The following LRRC7 variants were observed in gnomAD, a reference collection of about 807,000 sequenced individuals.
The protein encoded by LRRC7 is leucine rich repeat containing 7.
Under a neutral mutation model 175.7 loss-of-function variants are expected in LRRC7, and 23 were observed. The ratio of observed to expected loss-of-function variants is 0.13; its 90% CI spans 0.09 to 0.19. The LOEUF is 0.19. Among genes scored for constraint, LRRC7 ranks in the 10% least tolerant of loss-of-function variants. LRRC7 has a pLI of 1.00. For missense variants in LRRC7, 1,354 were observed against 1,904.7 expected, an observed-to-expected ratio of 0.71 and a Z score of 5.38; for synonymous variants, 685 against 680.9, an observed-to-expected ratio of 1.01 and a Z score of -0.09.
At position 69,643,925 on chromosome 1, in the gene LRRC7, A is replaced by G. The variant is rs547279419; in HGVS notation, c.3-34456A>G. On this transcript the variant is annotated intron_variant, in intron 1 of 26. Transcript: ENST00000651989. ...CCTAAATTAAACAACGTATTTAAAA[A>G]TAACCCATGCATTGAAGAAGGAATC... Among the ~76,000 whole-genome samples, 5 of 152,298 alleles carry G rather than the reference A, an allele frequency of 3.3e-5. No homozygotes were observed. The East Asian group carries it at 9.7e-4, about 29-fold the overall frequency.
In LRRC7 at chr1:69,722,325, T is replaced by C. The variant is rs146795108; in HGVS notation, c.101-37866T>C. Among the ~76,000 whole-genome samples, 171 of 152,132 alleles carry C rather than the reference T, an allele frequency of 1.1e-3. 2 individuals carry two copies. The East Asian group carries it at 0.03, about 26-fold the overall frequency. ...TTGTATTGATTTATTTTGCAACCAG[T>C]CTTTTGCTATCATGAACATAGCTGC... On this transcript the variant is annotated intron_variant, in intron 2 of 26. Coordinates refer to ENST00000651989, the MANE Select transcript of LRRC7 (RefSeq NM_001370785.2).
chr1:70,024,920 T>C (rs1657924856), intron 17 of LRRC7, among the ~76,000 whole-genome samples: 1 of 152,140 alleles, frequency 6.6e-6, no homozygotes, highest in Non-Finnish European at 1.5e-5. Context: ...ATTGTGTTAC[T>C]TAGCTTTATT....
chr1:70,122,062 A>T lies in LRRC7; in HGVS notation c.*175A>T. The stretch of plus-strand genomic sequence containing the variant: ...AAAAAATGTTAACTCTATAAATATG[A>T]TGTTCATGTGGTTATGTATTAGTTT... On this transcript the variant is annotated 3_prime_UTR_variant, in exon 27 of 27. Transcript: ENST00000651989. 4.1e-6 allele frequency: 2 copies of T among 485,184 alleles called. No individual in the cohort carries two copies. Among genetic ancestry groups the T allele is most frequent in the South Asian group, 7.2e-5 (2 of 27,898 alleles). 30.1% of individuals were successfully genotyped at this position (485,184 alleles called of 1,614,324 possible).
At chr1:69,745,549 G>A (rs1361674640) in intron 2 of LRRC7, among the ~76,000 whole-genome samples, 2 of 151,788 alleles carry the variant, frequency 1.3e-5, no homozygotes, top group Non-Finnish European at 2.9e-5. Context: ...TCCTAGTATA[G>A]GAAAAAGATT....
intron 6 of LRRC7, among the ~76,000 whole-genome samples, chr1:69,837,514 G>T (rs1386001819): frequency 6.6e-6 from 1 of 151,828 alleles, no homozygotes; most frequent in Non-Finnish European, 1.5e-5. Flanking sequence ...ATATGAAAGA[G>T]TTTGGATTTC....
At chr1:69,631,012 A>T (rs1246015424) in intron 1 of LRRC7, among the ~76,000 whole-genome samples, 1 of 151,772 alleles carries the variant, frequency 6.6e-6, no homozygotes, top group Admixed American at 6.6e-5. Context: ...GACTGCCTGC[A>T]CTTCTTTTTT....
intron 8 of LRRC7, among the ~76,000 whole-genome samples, chr1:69,972,018 G>A (rs933676058): frequency 1.4e-4 from 22 of 152,146 alleles, no homozygotes; most frequent in African/African-American, 5.3e-4. Flanking sequence ...AAGGTAAAGT[G>A]GAGAAAGGAC....
chr1:69,834,798 A>G lies in LRRC7; in HGVS notation c.519A>G (p.Thr173=), dbSNP rs1680925304. 1 of 1,613,266 alleles carries G rather than the reference A, an allele frequency of 6.2e-7. No homozygotes were observed. The highest frequency in any genetic ancestry group is 1.3e-5 in the African/African-American group (1 of 74,986). The change falls in exon 6 of 27, where the codon ACA becomes ACG. Residue 173 remains threonine, a synonymous_variant. Coordinates refer to ENST00000651989, the MANE Select transcript of LRRC7 (RefSeq NM_001370785.2). ...NPISKLPDGF[T]QLLNLTQLYL... ...TTTTTAGACTACCTGATGGCTTCACACAGCTCCTAAACCTGACCCAGCTCT... is the reference window on the plus strand; with the variant it reads ...TTTTTAGACTACCTGATGGCTTCACGCAGCTCCTAAACCTGACCCAGCTCT...
At chr1:69,986,608 C>A (rs1653955296) in intron 10 of LRRC7, among the ~76,000 whole-genome samples, 1 of 152,092 alleles carries the variant, frequency 6.6e-6, no homozygotes, top group African/African-American at 2.4e-5. Flanking sequence ...AATGATCCTA[C>A]CAAATTGATA....
intron 7 of LRRC7, among the ~76,000 whole-genome samples, chr1:69,841,914 C>T (rs1681777303): frequency 6.6e-6 from 1 of 152,084 alleles, no homozygotes. Flanking sequence ...TGGAGAGCAG[C>T]ATGAAGTCAG....
chr1:69,857,477 A>G (rs1683803758), intron 7 of LRRC7, among the ~76,000 whole-genome samples: 1 of 151,254 alleles, frequency 6.6e-6, no homozygotes, highest in Non-Finnish European at 1.5e-5. Flanking sequence ...ATAACAGACA[A>G]ACAGCCAAAT....
chr1:70,080,379 G>A (rs1032654816), intron 24 of LRRC7, among the ~76,000 whole-genome samples: 4 of 152,098 alleles, frequency 2.6e-5, no homozygotes, highest in African/African-American at 4.8e-5. Flanking sequence ...TTATGTAAGC[G>A]GAGTATTGAA....
intron 2 of LRRC7, among the ~76,000 whole-genome samples, chr1:69,695,686 C>A (rs543829936): frequency 6.6e-6 from 1 of 152,324 alleles, no homozygotes; most frequent in South Asian, 2.1e-4. Context: ...CAGGCCCTTG[C>A]TGCCCTGTGC....
chr1:70,118,676 C>T (rs1666021235), intron 26 of LRRC7, among the ~76,000 whole-genome samples: 1 of 152,114 alleles, frequency 6.6e-6, no homozygotes, highest in African/African-American at 2.4e-5. Context: ...AGCCCTTTCC[C>T]TGGTTGTATG....
intron 2 of LRRC7, among the ~76,000 whole-genome samples, chr1:69,706,832 C>T (rs1468850341): frequency 6.6e-6 from 1 of 152,174 alleles, no homozygotes; most frequent in Non-Finnish European, 1.5e-5. Flanking sequence ...ACGAAGAACA[C>T]ACTACCTATG....
intron 2 of LRRC7, among the ~76,000 whole-genome samples, chr1:69,752,632 G>A (rs1050308245): frequency 1.3e-5 from 2 of 152,110 alleles, no homozygotes; most frequent in African/African-American, 4.8e-5. Context: ...ACCTAGGTTA[G>A]GCCATGCTAG....
chr1:69,778,686 T>TATATA (rs1673098939), intron 3 of LRRC7, among the ~76,000 whole-genome samples: 1 of 152,002 alleles, frequency 6.6e-6, no homozygotes, highest in Admixed American at 6.6e-5. Flanking sequence ...GAGTCAGAAT[T>TATATA]CAAATCCTGG....
At chr1:69,717,835 A>G (rs1350479868) in intron 2 of LRRC7, among the ~76,000 whole-genome samples, 3 of 63,270 alleles carry the variant, frequency 4.7e-5, no homozygotes, top group African/African-American at 8.0e-5. Flanking sequence ...AGAAAGAAAG[A>G]AAGAAAAAAG....
intron 4 of LRRC7, among the ~76,000 whole-genome samples, chr1:69,797,557 ACTCCTGCCAAATTTACCTC>A (rs1481213084): frequency 6.6e-5 from 10 of 152,000 alleles, no homozygotes; most frequent in African/African-American, 1.7e-4. Flanking sequence ...TTAGTCTTCA[ACTCCTGCCAAATTTACCTC>A]CTAAATATAT....
Sources: gnomAD v4.1 joint callset for allele counts (sites outside exome capture counted in the v4.1 genomes callset) on GRCh38, gnomAD v4.1.1 for gene constraint, MANE v1.5 for transcripts, NCBI Gene and HGNC (gene_info 2026-07-23, HGNC 2026-07-21) for gene names.